ADAMTSL3: variants seen among roughly 807,000 people sequenced by gnomAD.
ADAMTSL3 encodes the protein ADAMTS like 3.
In ADAMTSL3, 128 loss-of-function variants were observed where a neutral mutation model predicts 201.7. That is an observed-to-expected ratio of 0.63 (90% confidence interval 0.55 to 0.73). The LOEUF (loss-of-function observed/expected upper bound fraction) is 0.73. Ranked by LOEUF, ADAMTSL3 falls within the 30% of genes least tolerant of loss-of-function variation. ADAMTSL3 has a pLI of 0.00. For synonymous variants in ADAMTSL3, 738 were observed against 748.4 expected (o/e 0.99, Z 0.23); for missense variants, 1,990 against 2,119.6 (o/e 0.94, Z 1.20).
intron 19 of ADAMTSL3, among the ~76,000 whole-genome samples, chr15:83,946,839 G>A (rs2066664177): frequency 6.6e-6 from 1 of 152,160 alleles, no homozygotes; most frequent in Non-Finnish European, 1.5e-5. Context: ...AAGCTCTTCT[G>A]TGCTCCAAGA....
At chr15:83,893,638 C>G (rs1385675888) in intron 13 of ADAMTSL3, among the ~76,000 whole-genome samples, 1 of 151,974 alleles carries the variant, frequency 6.6e-6, no homozygotes, top group African/African-American at 2.4e-5. Context: ...AGGCGGGCAG[C>G]CTATTTAGAA....
At chr15:83,935,617 AAGTC>A (rs1173408670) in intron 17 of ADAMTSL3, among the ~76,000 whole-genome samples, 1 of 152,118 alleles carries the variant, frequency 6.6e-6, no homozygotes, top group Non-Finnish European at 1.5e-5. Context: ...GAAAATCTCA[AAGTC>A]AGAGATATAG....
chr15:83,899,621 C>T (rs991064652), intron 14 of ADAMTSL3, 26 bp from the exon 15 acceptor site: 40 of 1,600,822 alleles, frequency 2.5e-5, no homozygotes, highest in Non-Finnish European at 3.4e-5. Flanking sequence ...TAATTAGGCT[C>T]ATTGTTTATG....
chr15:83,971,191 A>G (rs1049161978), intron 20 of ADAMTSL3, among the ~76,000 whole-genome samples: 1 of 152,228 alleles, frequency 6.6e-6, no homozygotes, highest in Non-Finnish European at 1.5e-5. Flanking sequence ...GCTAATATGC[A>G]TGTAGCATTC....
chr15:83,899,551 C>T, intron 14 of ADAMTSL3, 96 bp from the exon 15 acceptor site: 2 of 1,252,812 alleles, frequency 1.6e-6, no homozygotes, highest in Non-Finnish European at 2.2e-6. Flanking sequence ...AACATGACCT[C>T]TTTATAAATG....
intron 17 of ADAMTSL3, among the ~76,000 whole-genome samples, chr15:83,929,047 C>T (rs1480821): frequency 0.78 from 117,907 of 152,138 alleles, 45,846 homozygotes; most frequent in African/African-American, 0.82. Context: ...CTTGACTCTC[C>T]TGTTTCCTGC....
intron 2 of ADAMTSL3, among the ~76,000 whole-genome samples, chr15:83,676,475 G>C (rs916864641): frequency 6.6e-6 from 1 of 152,010 alleles, no homozygotes; most frequent in South Asian, 2.1e-4. Context: ...TCAGGAGATC[G>C]AGACCATCCT....
Position 83,890,157 on chromosome 15 carries a change from T to C in ADAMTSL3, c.1121T>C (p.Val374Ala), listed in dbSNP as rs762054213. The C allele has an allele frequency of 3.7e-6, 6 of 1,613,690 alleles. No homozygotes were observed. Among genetic ancestry groups the C allele is most frequent in the Admixed American group, 1.7e-5 (1 of 59,958 alleles). ...TGTGTGGATATCCGCTTGAAGAGGG[T>C]AGTTCCTGACCATTATTGTCACTAC... The part of the protein sequence containing the change: ...AECVDIRLKR[V>A]VPDHYCHYYP... Residue 374 changes from valine (V) to alanine (A), a missense_variant, in exon 11 of 30, where the codon GTA becomes GCA. By Grantham distance (64) the Val-to-Ala change is moderately conservative. Transcript: ENST00000286744.
At chr15:83,697,781 G>C (rs1275748408) in intron 2 of ADAMTSL3, among the ~76,000 whole-genome samples, 1 of 152,060 alleles carries the variant, frequency 6.6e-6, no homozygotes, top group African/African-American at 2.4e-5. Flanking sequence ...CCCAGGCATG[G>C]TTGATGACCT....
At chr15:83,744,982 A>G (rs2585051) in intron 3 of ADAMTSL3, among the ~76,000 whole-genome samples, 30,889 of 152,242 alleles carry the variant, frequency 0.2, 4,101 homozygotes, top group Middle Eastern at 0.37. Flanking sequence ...GAGAACATGC[A>G]TTCCTGTTTT....
chr15:83,918,582 G>A, intron 16 of ADAMTSL3, among the ~76,000 whole-genome samples: 1 of 152,152 alleles, frequency 6.6e-6, no homozygotes, highest in Non-Finnish European at 1.5e-5. Context: ...GCAGAAGGGT[G>A]CATGGTACAT....
intron 10 of ADAMTSL3, among the ~76,000 whole-genome samples, chr15:83,888,181 A>G (rs757011187): frequency 1.3e-5 from 2 of 152,168 alleles, no homozygotes; most frequent in Non-Finnish European, 2.9e-5. Context: ...CAGAAGGGAG[A>G]TTTTAGGCTG....
At chr15:83,920,895 G>A (rs2066130011) in intron 16 of ADAMTSL3, among the ~76,000 whole-genome samples, 1 of 152,080 alleles carries the variant, frequency 6.6e-6, no homozygotes, top group Admixed American at 6.6e-5. Flanking sequence ...GGATTGAGGG[G>A]GAGCATCATG....
chr15:83,740,183 G>C (rs1368464812), intron 3 of ADAMTSL3: 1 of 220,092 alleles, frequency 4.5e-6, no homozygotes, highest in African/African-American at 2.3e-5. Context: ...CAGGGCTTTA[G>C]GGTTTCTTGA....
intron 16 of ADAMTSL3, among the ~76,000 whole-genome samples, chr15:83,923,006 A>G (rs2066175986): frequency 6.6e-6 from 1 of 152,194 alleles, no homozygotes; most frequent in Admixed American, 6.5e-5. Flanking sequence ...CCCAGCGGAC[A>G]AAGAATACTG....
Position 83,868,353 on chromosome 15 carries a change from G to C in ADAMTSL3, c.803-2449G>C, listed in dbSNP as rs565713832. On this transcript the variant is annotated intron_variant, in intron 8 of 29. Transcript: ENST00000286744. ...CATAAGTCAATACATCATCTGAATTGTTGATTGAAACACCACAAACTCCTT... is the reference window on the plus strand; with the variant it reads ...CATAAGTCAATACATCATCTGAATTCTTGATTGAAACACCACAAACTCCTT... Among the ~76,000 whole-genome samples, 3 of 152,298 alleles carry C rather than the reference G, an allele frequency of 2.0e-5. No individual in the cohort carries two copies. The South Asian group carries it at 6.2e-4, about 32-fold the overall frequency.
intron 2 of ADAMTSL3, among the ~76,000 whole-genome samples, chr15:83,700,202 T>A (rs1388839423): frequency 6.6e-6 from 1 of 152,218 alleles, no homozygotes; most frequent in Non-Finnish European, 1.5e-5. Context: ...TTTGACTGCT[T>A]CCACTCTGGT....
At position 83,789,002 on chromosome 15, in the gene ADAMTSL3, G is replaced by A. The variant is rs370896963; in HGVS notation, c.317+15352G>A. ...TTTTTGTATTTTTTAGTAGAGATGG[G>A]GTTTCACCATGTTGGCCAGGTTGGT... On this transcript the variant is annotated intron_variant, in intron 4 of 29. Transcript: ENST00000286744. Among the ~76,000 whole-genome samples the A allele has an allele frequency of 4.6e-5, 7 of 152,088 alleles. No homozygotes were observed. In the East Asian group the frequency reaches 1.4e-3, roughly 30 times the overall value.
chr15:83,908,560 G>A (rs2065880266), intron 15 of ADAMTSL3, among the ~76,000 whole-genome samples: 1 of 152,036 alleles, frequency 6.6e-6, no homozygotes, highest in South Asian at 2.1e-4. Flanking sequence ...AATATTCATA[G>A]GACTCTGATT....
Sources: gnomAD v4.1 joint callset for allele counts (sites outside exome capture counted in the v4.1 genomes callset) on GRCh38, gnomAD v4.1.1 for gene constraint, MANE v1.5 for transcripts, NCBI Gene and HGNC (gene_info 2026-07-23, HGNC 2026-07-21) for gene names.